Variants in PDZD2 observed in about 807,000 individuals in gnomAD.
The protein encoded by PDZD2 is PDZ domain-containing protein 2.
In PDZD2, 90 loss-of-function variants were observed where a neutral mutation model predicts 220.7. That is an observed-to-expected ratio of 0.41 (90% CI 0.34 to 0.49). PDZD2 has a LOEUF of 0.49. Among genes scored for constraint, PDZD2 ranks in the 20% least tolerant of loss-of-function variants. The pLI, the probability that PDZD2 is intolerant of heterozygous loss-of-function variation, is 0.28. For synonymous variants in PDZD2, 1,375 were observed against 1,450.5 expected, an observed-to-expected ratio of 0.95 and a Z score of 1.18; for missense variants, 3,174 against 3,608.5, an observed-to-expected ratio of 0.88 and a Z score of 3.08.
At chr5:31,895,765 C>T (rs938836697) in intron 2 of PDZD2, among the ~76,000 whole-genome samples, 1 of 152,114 alleles carries the variant, frequency 6.6e-6, no homozygotes, top group African/African-American at 2.4e-5. Context: ...TTTTCCCTTC[C>T]TCCCTCTGTC....
chr5:31,868,530 G>A (rs904900971), intron 2 of PDZD2, among the ~76,000 whole-genome samples: 1 of 152,142 alleles, frequency 6.6e-6, no homozygotes, highest in Non-Finnish European at 1.5e-5. Context: ...CAACAATAAA[G>A]CAAGGATAAA....
intron 2 of PDZD2, among the ~76,000 whole-genome samples, chr5:31,824,949 G>A (rs1434591724): frequency 1.3e-5 from 2 of 152,128 alleles, no homozygotes; most frequent in African/African-American, 2.4e-5. Flanking sequence ...TACTAGCTCC[G>A]TGTTTGTAGA....
chr5:31,785,340 C>A (rs1324091453), intron 1 of PDZD2, among the ~76,000 whole-genome samples: 1 of 149,940 alleles, frequency 6.7e-6, no homozygotes, highest in Admixed American at 6.7e-5. Context: ...CTGGCAGTGA[C>A]CTTTCCCAGC....
In PDZD2 at chr5:31,889,741, G is replaced by A. The variant is rs536556367; in HGVS notation, c.476+90017G>A. ...GGAGGCATTAAGACACACGGGGGCC[G>A]GGTGCAGTGGCTCACGCTTGTAATC... On this transcript the variant is annotated intron_variant, in intron 2 of 24. Coordinates refer to ENST00000438447, the MANE Select transcript of PDZD2 (RefSeq NM_178140.4). Among the ~76,000 whole-genome samples, 257 of 152,176 alleles carry A rather than the reference G, an allele frequency of 1.7e-3. 1 individual carries two copies. Among genetic ancestry groups the A allele is most frequent in the African/African-American group, 5.9e-3 (245 of 41,504 alleles).
rs1742786027 is a variant in PDZD2 at position 32,088,814 on chromosome 5, A to T, written c.5366A>T (p.Lys1789Ile). ...ESQDLDDLLQ[K>I]PKMIARRPIM... is the part of the protein sequence containing the mutation. ...CAAGACCTGGATGACTTGCTACAGA[A>T]ACCAAAAATGATCGCTAGGAGGCCC... Residue 1789 changes from lysine (K) to isoleucine (I), a missense_variant, in exon 20 of 25, where the codon AAA becomes ATA. Around this residue, in one of 4 missense-constraint regions of PDZD2, gnomAD observed 1,861 missense variants for 2,001.0 expected, o/e 0.93. Coordinates refer to ENST00000438447, the MANE Select transcript of PDZD2 (RefSeq NM_178140.4). The surrounding 1 kb of genome is among the most constrained non-coding windows in gnomAD (Gnocchi z 4.6). The T allele has an allele frequency of 1.9e-6, 3 of 1,614,046 alleles. No homozygotes were observed. Among genetic ancestry groups the T allele is most frequent in the East Asian group, 4.5e-5 (2 of 44,882 alleles).
chr5:32,099,477 A>G (rs1215895019), intron 23 of PDZD2: 2 of 152,274 alleles, frequency 1.3e-5, no homozygotes, highest in African/African-American at 2.4e-5. Flanking sequence ...CCATTTAACA[A>G]ATGAGAAACA....
intron 2 of PDZD2, among the ~76,000 whole-genome samples, chr5:31,813,260 C>G (rs1410717889): frequency 6.6e-6 from 1 of 152,044 alleles, no homozygotes; most frequent in East Asian, 1.9e-4. Context: ...ACCATCCTGG[C>G]TAACACGGTG....
chr5:31,979,202 A>G (rs761763939), intron 2 of PDZD2, among the ~76,000 whole-genome samples: 1 of 152,192 alleles, frequency 6.6e-6, no homozygotes, highest in Non-Finnish European at 1.5e-5. Context: ...TTTTAAATGA[A>G]TTTTGTCTCC....
At chr5:31,657,769 G>C (rs920559896) in intron 1 of PDZD2, among the ~76,000 whole-genome samples, 1 of 152,142 alleles carries the variant, frequency 6.6e-6, no homozygotes, top group Non-Finnish European at 1.5e-5. Context: ...GTTTGAGGAG[G>C]CCAGGGACAG....
chr5:31,754,396 T>G (rs541488269), intron 1 of PDZD2: 1 of 152,280 alleles, frequency 6.6e-6, no homozygotes, highest in South Asian at 2.1e-4. Flanking sequence ...GGCTGAATTT[T>G]CGAGGCTCTC....
intron 2 of PDZD2, among the ~76,000 whole-genome samples, chr5:31,957,534 C>T (rs1041742504): frequency 1.3e-5 from 2 of 152,192 alleles, no homozygotes; most frequent in African/African-American, 4.8e-5. Flanking sequence ...GAAGCCGGTA[C>T]TAAGTGGGAG....
At chr5:31,719,590 C>T (rs1379474630) in intron 1 of PDZD2, among the ~76,000 whole-genome samples, 1 of 152,144 alleles carries the variant, frequency 6.6e-6, no homozygotes, top group Non-Finnish European at 1.5e-5. Context: ...CACTAGTATT[C>T]CAAAGGAACA....
intron 1 of PDZD2, among the ~76,000 whole-genome samples, chr5:31,737,225 T>G (rs113450309): frequency 0.01 from 1,347 of 131,552 alleles, 24 homozygotes; most frequent in African/African-American, 0.037. Flanking sequence ...CAGGCTGGAG[T>G]GCAGTGGCGC....
chr5:31,828,972 G>A lies in PDZD2; in HGVS notation c.476+29248G>A, dbSNP rs576116956. ...TTTTCAACAAATAACCTAGGGACAA[G>A]GCTACTTTTGCAGCATCAGCTCTGA... On this transcript the variant is annotated intron_variant, in intron 2 of 24. Transcript: ENST00000438447. Among the ~76,000 whole-genome samples, 15 of 152,302 alleles carry A rather than the reference G, an allele frequency of 9.8e-5. 1 individual carries two copies. The South Asian group carries it at 3.1e-3, about 32-fold the overall frequency.
intron 1 of PDZD2, among the ~76,000 whole-genome samples, chr5:31,778,555 T>C (rs1211429449): frequency 2.0e-5 from 3 of 151,480 alleles, no homozygotes; most frequent in Admixed American, 6.6e-5. Context: ...ACACTCACCA[T>C]GAAGGTCTGC....
chr5:31,936,136 TCTG>T (rs1188592738), intron 2 of PDZD2: 1 of 986,104 alleles, frequency 1.0e-6, no homozygotes, highest in East Asian at 1.1e-4. Context: ...AGAGAGAGAA[TCTG>T]CTCCTCAGCT....
At chr5:31,887,717 C>G (rs1432910637) in intron 2 of PDZD2, among the ~76,000 whole-genome samples, 1 of 152,024 alleles carries the variant, frequency 6.6e-6, no homozygotes, top group Non-Finnish European at 1.5e-5. Flanking sequence ...GTTAGGGGGA[C>G]AGTGTCAAGA....
At chr5:31,831,062 C>A (rs1756554732) in intron 2 of PDZD2, among the ~76,000 whole-genome samples, 1 of 152,182 alleles carries the variant, frequency 6.6e-6, no homozygotes, top group African/African-American at 2.4e-5. Context: ...AGATCATTAC[C>A]TGGTAGAAAA....
chr5:31,735,316 C>T (rs561792261), intron 1 of PDZD2, among the ~76,000 whole-genome samples: 2 of 152,230 alleles, frequency 1.3e-5, no homozygotes, highest in South Asian at 2.1e-4. Flanking sequence ...GGGGGCACTT[C>T]GTGCTGTCAC....
Sources: allele counts gnomAD v4.1 joint callset (sites outside exome capture counted in the v4.1 genomes callset), GRCh38; gene constraint gnomAD v4.1.1; regional missense constraint gnomAD v4.1.1; non-coding constraint Gnocchi (gnomAD v3.1); transcripts MANE v1.5; gene names NCBI Gene and HGNC (gene_info 2026-07-23, HGNC 2026-07-21).